KCNH7: variants seen among roughly 807,000 people sequenced by gnomAD.
KCNH7 encodes voltage-gated inwardly rectifying potassium channel KCNH7.
In KCNH7, 49 loss-of-function variants were observed where a neutral mutation model predicts 120.8. That is an observed-to-expected ratio of 0.41 (90% CI 0.32 to 0.51). KCNH7 has a LOEUF of 0.51. Among genes scored for constraint, KCNH7 ranks in the 20% least tolerant of loss-of-function variants. The pLI, the probability that KCNH7 is intolerant of heterozygous loss-of-function variation, is 0.38. For synonymous variants in KCNH7, 547 were observed against 516.1 expected (o/e 1.06, Z -0.81); for missense variants, 1,097 against 1,446.6 (o/e 0.76, Z 3.92).
At chr2:162,574,728 G>A (rs1693612176) in intron 2 of KCNH7, among the ~76,000 whole-genome samples, 1 of 152,052 alleles carries the variant, frequency 6.6e-6, no homozygotes, top group African/African-American at 2.4e-5. Context: ...CATCGTGCCA[G>A]ACTACACATG....
Position 162,808,110 on chromosome 2 carries a change from T to C in KCNH7, c.307+28427A>G, listed in dbSNP as rs576790674. On this transcript the variant is annotated intron_variant, in intron 2 of 15. Transcript: ENST00000332142. ...GTCTGATATATAAAATGGCATGATA[T>C]TTGCATATAACCTACACACATCTCC... is the stretch of plus-strand genomic sequence containing the variant. 3.3e-5 allele frequency among the ~76,000 whole-genome samples: 5 copies of C among 152,338 alleles called. No individual in the cohort carries two copies. In the East Asian group the frequency reaches 7.7e-4, roughly 23 times the overall value.
At chr2:162,404,017 T>G (rs77446212) in intron 9 of KCNH7, among the ~76,000 whole-genome samples, 6,485 of 152,066 alleles carry the variant, frequency 0.043, 197 homozygotes, top group Admixed American at 0.062. Flanking sequence ...TCCTGTTCAT[T>G]GCACTTTTTT....
At chr2:162,542,248 T>A (rs1692333304) in intron 2 of KCNH7, among the ~76,000 whole-genome samples, 1 of 151,124 alleles carries the variant, frequency 6.6e-6, no homozygotes, top group Non-Finnish European at 1.5e-5. Flanking sequence ...TGAGCTTCTT[T>A]TTATTATTAT....
At position 162,680,948 on chromosome 2, in the gene KCNH7, A is replaced by G. The variant is rs149828732; in HGVS notation, c.308-143868T>C. On this transcript the variant is annotated intron_variant, in intron 2 of 15. Coordinates refer to ENST00000332142, the MANE Select transcript of KCNH7 (RefSeq NM_033272.4). ...TGACTGAGGGTTATCATGCTAATGT[A>G]TATCACATATATTGTTTTGTATATA... 8.9e-3 allele frequency among the ~76,000 whole-genome samples: 1,349 copies of G among 151,896 alleles called. 22 individuals carry two copies. The highest frequency in any genetic ancestry group is 0.017 in the Middle Eastern group (5 of 294).
intron 6 of KCNH7, among the ~76,000 whole-genome samples, chr2:162,475,058 G>T (rs1689689209): frequency 6.6e-6 from 1 of 152,176 alleles, no homozygotes; most frequent in African/African-American, 2.4e-5. Context: ...AAACTGTGGG[G>T]TAACAAAGGC....
chr2:162,780,715 G>C (rs1183023232), intron 2 of KCNH7, among the ~76,000 whole-genome samples: 1 of 152,074 alleles, frequency 6.6e-6, no homozygotes, highest in Non-Finnish European at 1.5e-5. Flanking sequence ...TGTAAAATGT[G>C]TTAGAGTTCC....
At chr2:162,570,496 T>G (rs1693430203) in intron 2 of KCNH7, among the ~76,000 whole-genome samples, 1 of 152,116 alleles carries the variant, frequency 6.6e-6, no homozygotes, top group African/African-American at 2.4e-5. Context: ...TTTGCCAGTC[T>G]GTGTCTTTTA....
chr2:162,668,349 T>C (rs1332357325), intron 2 of KCNH7, among the ~76,000 whole-genome samples: 2 of 152,164 alleles, frequency 1.3e-5, no homozygotes, highest in Non-Finnish European at 2.9e-5. Context: ...ACTTAGAGCC[T>C]CAAGAGACTA....
intron 3 of KCNH7, among the ~76,000 whole-genome samples, chr2:162,529,807 T>G (rs941890843): frequency 6.6e-6 from 1 of 151,908 alleles, no homozygotes; most frequent in African/African-American, 2.4e-5. Context: ...CACTCCGTAT[T>G]ATTTCCATTT....
chr2:162,617,301 A>C lies in KCNH7; in HGVS notation c.308-80221T>G, dbSNP rs1477464906. Among the ~76,000 whole-genome samples, 7 of 151,888 alleles carry C rather than the reference A, an allele frequency of 4.6e-5. No homozygotes were observed. In the South Asian group the frequency reaches 1.2e-3, roughly 27 times the overall value. ...GAGACCATCCTGACTAACACGATGA[A>C]ACCCCGTCTCTACTAAAAATACAAA... On this transcript the variant is annotated intron_variant, in intron 2 of 15. Coordinates refer to ENST00000332142, the MANE Select transcript of KCNH7 (RefSeq NM_033272.4).
chr2:162,764,275 T>C (rs1689068269), intron 2 of KCNH7, among the ~76,000 whole-genome samples: 1 of 152,088 alleles, frequency 6.6e-6, no homozygotes, highest in South Asian at 2.1e-4. Context: ...CAAGAAGCCA[T>C]CATGCTTTGA....
chr2:162,828,206 C>A (rs1480154451), intron 2 of KCNH7, among the ~76,000 whole-genome samples: 1 of 152,036 alleles, frequency 6.6e-6, no homozygotes, highest in Non-Finnish European at 1.5e-5. Context: ...TTGATTTTGT[C>A]CAATTGATAT....
chr2:162,786,205 T>G (rs1235284005), intron 2 of KCNH7, among the ~76,000 whole-genome samples: 1 of 135,582 alleles, frequency 7.4e-6, no homozygotes, highest in East Asian at 2.2e-4. Flanking sequence ...ATCACACCAG[T>G]GCACTCCAGC....
At chr2:162,637,457 A>G (rs901742437) in intron 2 of KCNH7, among the ~76,000 whole-genome samples, 25 of 152,134 alleles carry the variant, frequency 1.6e-4, no homozygotes, top group African/African-American at 5.8e-4. Flanking sequence ...CTCATATGCT[A>G]TCAACTGATA....
chr2:162,638,047 C>G (rs1684023918), intron 2 of KCNH7, among the ~76,000 whole-genome samples: 1 of 152,026 alleles, frequency 6.6e-6, no homozygotes, highest in Non-Finnish European at 1.5e-5. Context: ...GAAGCACACT[C>G]TAGCTATAAT....
chr2:162,679,368 G>C (rs745430448), intron 2 of KCNH7, among the ~76,000 whole-genome samples: 60 of 151,604 alleles, frequency 4.0e-4, no homozygotes, highest in Non-Finnish European at 5.8e-4. Flanking sequence ...TTTAATAATA[G>C]AGTAGAGTGC....
At chr2:162,829,209 T>C (rs1685389433) in intron 2 of KCNH7, among the ~76,000 whole-genome samples, 1 of 152,166 alleles carries the variant, frequency 6.6e-6, no homozygotes, top group Non-Finnish European at 1.5e-5. Context: ...CTGACTCTGT[T>C]GCTTCTTGGT....
At chr2:162,579,709 C>T (rs986892694) in intron 2 of KCNH7, among the ~76,000 whole-genome samples, 4 of 151,850 alleles carry the variant, frequency 2.6e-5, no homozygotes, top group East Asian at 1.9e-4. Flanking sequence ...CAAGCCTTTC[C>T]GAAAGTCTAC....
At chr2:162,429,943 C>G (rs1422023565) in intron 8 of KCNH7, among the ~76,000 whole-genome samples, 1 of 142,434 alleles carries the variant, frequency 7.0e-6, no homozygotes, top group Non-Finnish European at 1.5e-5. Context: ...ATTTTTTTTT[C>G]CTGTTAAGAA....
Sources: allele counts gnomAD v4.1 joint callset (sites outside exome capture counted in the v4.1 genomes callset), GRCh38; gene constraint gnomAD v4.1.1; transcripts MANE v1.5; gene names NCBI Gene and HGNC (gene_info 2026-07-23, HGNC 2026-07-21).